The following DAB1 variants were observed in gnomAD, a reference collection of about 807,000 sequenced individuals.
DAB1 encodes disabled homolog 1.
In DAB1, 15 loss-of-function variants were observed where a neutral mutation model predicts 64.6. The observed-to-expected ratio is 0.23, with a 90% CI of 0.16 to 0.36. DAB1 has a LOEUF of 0.36. DAB1 is among the 10% of genes least tolerant of loss of function. The pLI is 1.00. For missense variants in DAB1, 596 were observed against 706.7 expected (o/e 0.84, Z 1.78); for synonymous variants, 235 against 251.9 (o/e 0.93, Z 0.64).
chr1:57,967,301 T>C (rs1300109718), intron 5 of DAB1, among the ~76,000 whole-genome samples: 2 of 152,186 alleles, frequency 1.3e-5, no homozygotes, highest in Non-Finnish European at 2.9e-5. Context: ...TGTTATGCCA[T>C]GTTAAAATAG....
rs1481736257 is a variant in DAB1 at position 57,605,362 on chromosome 1, TGTTGA to T, written n.625+44225_625+44229del. Among the ~76,000 whole-genome samples the T allele has an allele frequency of 2.6e-5, 4 of 152,194 alleles. No homozygotes were observed. The East Asian group carries it at 7.7e-4, about 29-fold the overall frequency. ...TGAGTGTTAAATAAAATGCAAATCA[TGTTGA>T]GAGTAGATCGGAGGCCTCTGTTTCA... On this transcript the variant is annotated intron_variant and non_coding_transcript_variant, in intron 7 of 20. Coordinates refer to the DAB1 transcript ENST00000485760.
intron 4 of DAB1, among the ~76,000 whole-genome samples, chr1:57,106,180 CT>C (rs1655122755): frequency 6.6e-6 from 1 of 152,036 alleles, no homozygotes; most frequent in Non-Finnish European, 1.5e-5. Context: ...GAAACGAGAT[CT>C]TAAATGGCAC....
intron 5 of DAB1, among the ~76,000 whole-genome samples, chr1:58,139,159 C>T (rs1248223115): frequency 3.9e-5 from 6 of 152,208 alleles, no homozygotes; most frequent in Middle Eastern, 3.4e-3. Flanking sequence ...TGTTCCACCC[C>T]GCACATCACC....
At chr1:57,171,934 C>T (rs911600871) in intron 2 of DAB1, among the ~76,000 whole-genome samples, 6 of 152,286 alleles carry the variant, frequency 3.9e-5, no homozygotes, top group Non-Finnish European at 7.4e-5. Flanking sequence ...TGTATTGTCT[C>T]ATGGTTCTGG....
chr1:58,276,146 T>A (rs963128978), intron 4 of DAB1, among the ~76,000 whole-genome samples: 3 of 152,206 alleles, frequency 2.0e-5, no homozygotes, highest in Admixed American at 6.5e-5. Context: ...GAATGGTGGT[T>A]GCCAAGGGCT....
chr1:57,143,107 T>C (rs1436931252), intron 3 of DAB1, among the ~76,000 whole-genome samples: 1 of 152,150 alleles, frequency 6.6e-6, no homozygotes, highest in African/African-American at 2.4e-5. Context: ...GGGCTTTCTG[T>C]GCAATTTGCC....
intron 3 of DAB1, among the ~76,000 whole-genome samples, chr1:58,495,889 G>T (rs991906698): frequency 2.0e-5 from 3 of 152,076 alleles, no homozygotes; most frequent in African/African-American, 7.2e-5. Context: ...TCTTACTCTT[G>T]TATGCCTTTT....
chr1:57,650,901 T>C (rs1162508800), intron 6 of DAB1, among the ~76,000 whole-genome samples: 4 of 152,178 alleles, frequency 2.6e-5, no homozygotes, highest in Admixed American at 2.6e-4. Context: ...TATTAAACTT[T>C]GCTTCCCCTG....
At chr1:58,300,103 C>G (rs554090188) in intron 4 of DAB1, among the ~76,000 whole-genome samples, 4 of 152,264 alleles carry the variant, frequency 2.6e-5, no homozygotes, top group Admixed American at 2.6e-4. Flanking sequence ...CGTGAATGCT[C>G]TGATGACTCA....
intron 9 of DAB1, among the ~76,000 whole-genome samples, chr1:57,037,216 A>G (rs1647197043): frequency 6.6e-6 from 1 of 152,236 alleles, no homozygotes; most frequent in Admixed American, 6.5e-5. Context: ...AGGAATAATT[A>G]GCAGAAGGTT....
At chr1:58,146,708 C>A (rs1476024883) in intron 5 of DAB1, among the ~76,000 whole-genome samples, 2 of 145,858 alleles carry the variant, frequency 1.4e-5, no homozygotes, top group African/African-American at 5.1e-5. Context: ...AATAGTATTC[C>A]ATTTATAATA....
intron 5 of DAB1, among the ~76,000 whole-genome samples, chr1:58,109,395 G>A (rs1189742159): frequency 6.6e-6 from 1 of 152,132 alleles, no homozygotes; most frequent in Non-Finnish European, 1.5e-5. Context: ...CAAGTAGCAG[G>A]ATTTGCTAGA....
intron 6 of DAB1, among the ~76,000 whole-genome samples, chr1:57,678,761 G>GTTTTTTTTTTTTTTT (rs143885937): frequency 7.4e-6 from 1 of 135,808 alleles, no homozygotes; most frequent in Non-Finnish European, 1.5e-5. Context: ...TGAGGCAACT[G>GTTTTTTTTTTTTTTT]TTTTTTGTTT....
chr1:57,655,300 C>T (rs1646304191), intron 6 of DAB1, among the ~76,000 whole-genome samples: 1 of 151,936 alleles, frequency 6.6e-6, no homozygotes, highest in South Asian at 2.1e-4. Flanking sequence ...CATCATACAT[C>T]CAACCCATCC....
chr1:57,695,637 C>T (rs1416318520), intron 6 of DAB1, among the ~76,000 whole-genome samples: 3 of 152,156 alleles, frequency 2.0e-5, no homozygotes, highest in African/African-American at 7.2e-5. Flanking sequence ...CGGTGGCTCA[C>T]ACCTGTAATC....
chr1:58,297,257 T>C (rs533760180), intron 4 of DAB1, among the ~76,000 whole-genome samples: 1 of 152,272 alleles, frequency 6.6e-6, no homozygotes, highest in South Asian at 2.1e-4. Flanking sequence ...TATAATTAAG[T>C]AGAAGAAATA....
At chr1:57,678,118 A>G (rs997939495) in intron 6 of DAB1, among the ~76,000 whole-genome samples, 3 of 152,206 alleles carry the variant, frequency 2.0e-5, no homozygotes, top group African/African-American at 7.2e-5. Flanking sequence ...CATGAAACCT[A>G]GAAGGGGGAG....
chr1:57,074,857 TG>T (rs1379537512), intron 4 of DAB1, among the ~76,000 whole-genome samples: 1 of 152,198 alleles, frequency 6.6e-6, no homozygotes, highest in Non-Finnish European at 1.5e-5. Flanking sequence ...CATTAATTTT[TG>T]TTTTATTAAG....
At chr1:58,155,929 G>A (rs559335563) in intron 4 of DAB1, among the ~76,000 whole-genome samples, 2 of 152,298 alleles carry the variant, frequency 1.3e-5, no homozygotes, top group African/African-American at 4.8e-5. Flanking sequence ...TCCCAATAGT[G>A]AAATCTCTTC....
Sources: gnomAD v4.1 joint callset for allele counts (sites outside exome capture counted in the v4.1 genomes callset) on GRCh38, gnomAD v4.1.1 for gene constraint, MANE v1.5 for transcripts, NCBI Gene and HGNC (gene_info 2026-07-23, HGNC 2026-07-21) for gene names.